The following LPP variants were observed in gnomAD, a reference collection of about 807,000 sequenced individuals.
LPP encodes the protein LIM domain containing preferred translocation partner in lipoma, also known as lipoma-preferred partner.
A neutral mutation model predicts 60.4 loss-of-function variants in LPP; 38 were observed. The ratio of observed to expected loss-of-function variants is 0.63; its 90% CI spans 0.49 to 0.83. The LOEUF is 0.83. Ranked by LOEUF, LPP falls within the 40% of genes least tolerant of loss-of-function variation. The probability of loss-of-function intolerance (pLI) is 0.00; values close to 1 mark genes in which losing one functional copy is unlikely to be tolerated. For missense variants in LPP, 902 were observed against 783.6 expected, an observed-to-expected ratio of 1.15 and a Z score of -1.80; for synonymous variants, 328 against 290.8, an observed-to-expected ratio of 1.13 and a Z score of -1.30.
chr3:188,721,544 A>G (rs1031107737), intron 8 of LPP, among the ~76,000 whole-genome samples: 1 of 152,208 alleles, frequency 6.6e-6, no homozygotes, highest in African/African-American at 2.4e-5. Flanking sequence ...ACAGAGTAAC[A>G]GTCTGTCTCA....
intron 3 of LPP, among the ~76,000 whole-genome samples, chr3:188,360,873 A>G (rs1769092925): frequency 6.6e-6 from 1 of 152,186 alleles, no homozygotes; most frequent in Admixed American, 6.5e-5. Flanking sequence ...TTGTCTCTAA[A>G]ATAATTATTC....
intron 5 of LPP, among the ~76,000 whole-genome samples, chr3:188,500,801 C>A (rs998806781): frequency 3.3e-5 from 5 of 151,998 alleles, no homozygotes; most frequent in African/African-American, 1.2e-4. Context: ...GAAAATTTCC[C>A]TGTCATCTGG....
At chr3:188,454,749 C>G (rs1240954796) in intron 4 of LPP, among the ~76,000 whole-genome samples, 2 of 152,068 alleles carry the variant, frequency 1.3e-5, no homozygotes, top group Non-Finnish European at 2.9e-5. Flanking sequence ...CCTGATAAAC[C>G]CATCAGATCT....
chr3:188,705,533 T>G (rs973190175), intron 7 of LPP, among the ~76,000 whole-genome samples: 1 of 152,164 alleles, frequency 6.6e-6, no homozygotes, highest in Non-Finnish European at 1.5e-5. Context: ...AGTTTAACAA[T>G]ACTGGCAACC....
rs188692532 is a variant in LPP, at chr3:188,882,904, A to G, written c.*8425A>G. 626 of 181,450 alleles carry G rather than the reference A, an allele frequency of 3.4e-3. 3 individuals carry two copies. Among genetic ancestry groups the G allele is most frequent in the Non-Finnish European group, 3.7e-3 (312 of 85,174 alleles). The allele number at this position is 181,450 out of a possible 1,614,324, so 11.2% of individuals were successfully genotyped here. A position where few individuals can be genotyped will look rare whatever the true frequency, so the allele number is the denominator to read the frequency against. Reference sequence around the variant, plus strand: ...CAGACGCCCGCCACCGCGCCCAGCTAATTTTTTTTGTACTTTTAGTAGAGA... The same window carrying G: ...CAGACGCCCGCCACCGCGCCCAGCTGATTTTTTTTGTACTTTTAGTAGAGA... On this transcript the variant is annotated 3_prime_UTR_variant, in exon 12 of 12. Coordinates refer to ENST00000617246, the MANE Select transcript of LPP (RefSeq NM_001375462.1).
chr3:188,890,516 CTGTT>C lies in LPP; in HGVS notation c.*16039_*16042del, dbSNP rs1771134088. The C allele has an allele frequency of 5.4e-6, 1 of 185,912 alleles. No individual in the cohort carries two copies. The highest frequency in any genetic ancestry group is 1.1e-5 in the Non-Finnish European group (1 of 88,070). 11.5% of individuals were successfully genotyped at this position (185,912 alleles called of 1,614,324 possible). ...ATGCATTATCTGACTATATTAAAAC[CTGTT>C]TTTCTATTTACCTTCTATCAGTTTT... On this transcript the variant is annotated 3_prime_UTR_variant, in exon 12 of 12. Transcript: ENST00000617246.
intron 9 of LPP, among the ~76,000 whole-genome samples, chr3:188,788,976 T>C (rs567230640): frequency 2.0e-5 from 3 of 152,258 alleles, no homozygotes; most frequent in Non-Finnish European, 4.4e-5. Flanking sequence ...CTGTGGCTGC[T>C]CTTGTGCCTG....
chr3:188,496,780 T>A (rs1177992525), intron 5 of LPP, among the ~76,000 whole-genome samples: 3 of 152,238 alleles, frequency 2.0e-5, no homozygotes, highest in African/African-American at 4.8e-5. Flanking sequence ...TCTATTGTAA[T>A]ATTGTCTTCA....
chr3:188,507,513 CA>C (rs1813898105), intron 5 of LPP, among the ~76,000 whole-genome samples: 1 of 151,338 alleles, frequency 6.6e-6, no homozygotes, highest in Non-Finnish European at 1.5e-5. Flanking sequence ...AGTGAAATCA[CA>C]TAAGTTTCCC....
chr3:188,235,954 T>C (rs1480850320), intron 2 of LPP, among the ~76,000 whole-genome samples: 1 of 152,086 alleles, frequency 6.6e-6, no homozygotes, highest in Non-Finnish European at 1.5e-5. Flanking sequence ...TCTTTTTCCA[T>C]AGGAAGTCCC....
chr3:188,173,742 C>G (rs1722293015), intron 1 of LPP, among the ~76,000 whole-genome samples: 1 of 152,104 alleles, frequency 6.6e-6, no homozygotes, highest in Non-Finnish European at 1.5e-5. Flanking sequence ...ATTGAGTCTC[C>G]TTGTTCTTAG....
chr3:188,282,500 G>A (rs1412675773), intron 2 of LPP, among the ~76,000 whole-genome samples: 1 of 152,128 alleles, frequency 6.6e-6, no homozygotes, highest in Non-Finnish European at 1.5e-5. Flanking sequence ...TTATTTTGGT[G>A]GGGTGCTCCT....
At chr3:188,233,047 T>C (rs962993946) in intron 2 of LPP, among the ~76,000 whole-genome samples, 4 of 152,206 alleles carry the variant, frequency 2.6e-5, no homozygotes, top group African/African-American at 9.6e-5. Flanking sequence ...TCTCATGTCC[T>C]GTTTACACTG....
intron 5 of LPP, among the ~76,000 whole-genome samples, chr3:188,512,609 G>T (rs891183518): frequency 2.8e-5 from 4 of 143,816 alleles, no homozygotes; most frequent in African/African-American, 1.0e-4. Context: ...CCCACCCTCT[G>T]TACGTTTCCA....
At chr3:188,668,119 G>A (rs1442744477) in intron 7 of LPP, among the ~76,000 whole-genome samples, 1 of 151,596 alleles carries the variant, frequency 6.6e-6, no homozygotes, top group African/African-American at 2.4e-5. Context: ...TCAGTATATA[G>A]AGAGAGTATA....
chr3:188,851,259 G>C (rs918697905), intron 9 of LPP, among the ~76,000 whole-genome samples: 14 of 152,128 alleles, frequency 9.2e-5, no homozygotes, highest in Non-Finnish European at 1.9e-4. Flanking sequence ...TGAAGTTCTA[G>C]CTTTTTAACT....
chr3:188,607,418 A>ATTT (rs774045050), intron 6 of LPP, among the ~76,000 whole-genome samples: 59 of 38,480 alleles, frequency 1.5e-3, no homozygotes, highest in African/African-American at 3.9e-3. Context: ...TATATATATA[A>ATTT]TTTTTTTTTC....
intron 4 of LPP, among the ~76,000 whole-genome samples, chr3:188,419,910 A>T (rs184274493): frequency 1.3e-5 from 2 of 152,066 alleles, no homozygotes; most frequent in Non-Finnish European, 2.9e-5. Flanking sequence ...AAAAATAATA[A>T]ATAAATATAT....
chr3:188,580,055 A>T (rs1480064662), intron 6 of LPP, among the ~76,000 whole-genome samples: 2 of 151,956 alleles, frequency 1.3e-5, no homozygotes, highest in Non-Finnish European at 2.9e-5. Flanking sequence ...TAAAATAAAA[A>T]CCCCAATGTG....
Sources: allele counts gnomAD v4.1 joint callset (sites outside exome capture counted in the v4.1 genomes callset), GRCh38; gene constraint gnomAD v4.1.1; transcripts MANE v1.5; gene names NCBI Gene and HGNC (gene_info 2026-07-23, HGNC 2026-07-21).